The following FAM163B variants were observed in gnomAD, a reference collection of about 807,000 sequenced individuals.
The protein encoded by FAM163B is family with sequence similarity 163 member B.
FAM163B carries 4 observed loss-of-function variants against 7.6 expected under a neutral mutation model. That is an observed-to-expected ratio of 0.52 (90% CI 0.26 to 1.20). FAM163B has a LOEUF of 1.20. Among genes scored for constraint, FAM163B ranks in the 50% most tolerant of loss-of-function variants. The pLI is 0.14. For synonymous variants in FAM163B, 120 were observed against 111.6 expected, an observed-to-expected ratio of 1.07 and a Z score of -0.47; for missense variants, 250 against 243.0, an observed-to-expected ratio of 1.03 and a Z score of -0.19.
At chr9:133,598,591 G>C (rs1272454123) in intron 1 of FAM163B, among the ~76,000 whole-genome samples, 2 of 151,334 alleles carry the variant, frequency 1.3e-5, no homozygotes, top group Non-Finnish European at 2.9e-5. Context: ...GGCACCCGCT[G>C]CTGGTGGGAG....
In FAM163B at chr9:133,581,538, T is replaced by C. The variant is rs898376842; in HGVS notation, c.-23-1292A>G. 8.5e-5 allele frequency among the ~76,000 whole-genome samples: 13 copies of C among 152,356 alleles called. 1 individual carries two copies. Among genetic ancestry groups the C allele is most frequent in the Admixed American group, 6.5e-4 (10 of 15,308 alleles). Reference sequence around the variant, plus strand: ...ACGTTTAGCTTTCTCCTGTCGTCTCTGAAATGCCTTTTTTACGGTTGGTTA... The same window carrying C: ...ACGTTTAGCTTTCTCCTGTCGTCTCCGAAATGCCTTTTTTACGGTTGGTTA... On this transcript the variant is annotated intron_variant, in intron 1 of 2. Transcript: ENST00000673969.
chr9:133,607,184 A>AG (rs1417500126), intron 1 of FAM163B, among the ~76,000 whole-genome samples: 1 of 152,164 alleles, frequency 6.6e-6, no homozygotes, highest in African/African-American at 2.4e-5. Flanking sequence ...AATGGCTCAG[A>AG]GGGGGGACAT....
rs10046828 is a variant in FAM163B at position 133,593,959 on chromosome 9, C to A, written c.-23-13713G>T. Among the ~76,000 whole-genome samples, 753 of 152,318 alleles carry A rather than the reference C, an allele frequency of 4.9e-3. 11 individuals are homozygous for A. The highest frequency in any genetic ancestry group is 0.017 in the African/African-American group (716 of 41,570). On this transcript the variant is annotated intron_variant, in intron 1 of 2. Transcript: ENST00000673969. ...CACTCCCCCTCTGCCACCCCCAGAT[C>A]CATGGGGCTGGCTCTCAGTGAGAGG...
intron 1 of FAM163B, among the ~76,000 whole-genome samples, chr9:133,590,052 C>CTTCCT: frequency 3.1e-5 from 1 of 32,692 alleles, no homozygotes; most frequent in African/African-American, 8.7e-5. Context: ...CTTCCCTTCC[C>CTTCCT]TTCCCTTCCC....
chr9:133,590,045 CCCTT>C, intron 1 of FAM163B, among the ~76,000 whole-genome samples: 2 of 40,436 alleles, frequency 4.9e-5, no homozygotes, highest in Non-Finnish European at 6.0e-5. Flanking sequence ...AAGTTCCCTT[CCCTT>C]CCCTTCCCTT....
In FAM163B at chr9:133,579,393, C is replaced by A. The variant is rs1277503108; in HGVS notation, c.130G>T (p.Glu44Ter). The stretch of plus-strand genomic sequence containing the variant: ...TGAACGGCGAAGTCTGGTTCCTCCT[C>A]GTCCTCCTCCGACTCGTCCTTCTTG... ...CCKKDESEED[E>*]EEPDFAVHSH... The change falls in exon 3 of 3, where the codon GAG becomes TAG. Residue 44 changes from glutamate to a stop codon, truncating the protein, a stop_gained. Coordinates refer to ENST00000673969, the MANE Select transcript of FAM163B (RefSeq NM_001080515.3). LOFTEE classifies it high-confidence loss of function. 4.4e-6 allele frequency: 7 copies of A among 1,608,934 alleles called. No individual in the cohort carries two copies. The highest frequency in any genetic ancestry group is 5.9e-6 in the Non-Finnish European group (7 of 1,178,342).
chr9:133,596,260 A>C (rs905978093), intron 1 of FAM163B, among the ~76,000 whole-genome samples: 2 of 151,946 alleles, frequency 1.3e-5, no homozygotes, highest in African/African-American at 4.8e-5. Context: ...GGAGCCCCCG[A>C]GTTTGCCATG....
chr9:133,581,850 G>A (rs929856658), intron 1 of FAM163B, among the ~76,000 whole-genome samples: 3 of 152,142 alleles, frequency 2.0e-5, no homozygotes, highest in Admixed American at 6.5e-5. Context: ...AGCTGCTCTC[G>A]GCCAGTTCTT....
At chr9:133,597,763 T>A (rs1284578565) in intron 1 of FAM163B, among the ~76,000 whole-genome samples, 1 of 151,862 alleles carries the variant, frequency 6.6e-6, no homozygotes, top group Non-Finnish European at 1.5e-5. Flanking sequence ...CTACAAGGGC[T>A]CGAAGGTAAG....
chr9:133,587,379 C>T (rs867392732), intron 1 of FAM163B, among the ~76,000 whole-genome samples: 21 of 152,164 alleles, frequency 1.4e-4, no homozygotes, highest in Admixed American at 5.9e-4. Context: ...GCAGGAAGCA[C>T]GAAGCTGAAA....
chr9:133,587,460 T>C (rs1831457919), intron 1 of FAM163B, among the ~76,000 whole-genome samples: 1 of 152,122 alleles, frequency 6.6e-6, no homozygotes, highest in Non-Finnish European at 1.5e-5. Flanking sequence ...TCAGGAACCG[T>C]AGGGCAGGAC....
At chr9:133,580,057 CG>C (rs1831332278) in intron 2 of FAM163B, 73 bp downstream of exon 2, 1 of 1,296,558 alleles carries the variant, frequency 7.7e-7, no homozygotes. Context: ...GACCTTCAGG[CG>C]GGGCTCCCTC....
rs1831790887 is a variant in FAM163B, at chr9:133,606,467, C to T, written c.-24+2610G>A. ...AAGCCCCCCAGCCCCACCCTGGCCTCTGTAGGGTGGTCCCCAGGACCACAT... is the reference window on the plus strand; with the variant it reads ...AAGCCCCCCAGCCCCACCCTGGCCTTTGTAGGGTGGTCCCCAGGACCACAT... On this transcript the variant is annotated intron_variant, in intron 1 of 2. Transcript: ENST00000673969. This position sits in a 1 kb window ranked among gnomAD's most constrained non-coding sequence, Gnocchi z 4.0. Among the ~76,000 whole-genome samples the T allele has an allele frequency of 6.6e-6, 1 of 152,242 alleles. No individual in the cohort carries two copies. The highest frequency in any genetic ancestry group is 1.5e-5 in the Non-Finnish European group (1 of 68,034).
rs766274994 is a variant in FAM163B at position 133,600,921 on chromosome 9, G to A, written c.-24+8156C>T. ...TCAACTCTCCCTTGGTAGGGGGTAG[G>A]GGGGGAGCTTCATTGCCTCGAGTTC... On this transcript the variant is annotated intron_variant, in intron 1 of 2. Coordinates refer to ENST00000673969, the MANE Select transcript of FAM163B (RefSeq NM_001080515.3). This position sits in a 1 kb window ranked among gnomAD's most constrained non-coding sequence, Gnocchi z 4.9. Among the ~76,000 whole-genome samples the A allele has an allele frequency of 6.6e-5, 10 of 152,234 alleles. No individual in the cohort carries two copies. Among genetic ancestry groups the A allele is most frequent in the Admixed American group, 2.6e-4 (4 of 15,298 alleles).
chr9:133,578,960 C>G lies in FAM163B; in HGVS notation c.*62G>C. ...TGGGGCCTGGGGCCAGGTGGGTGTG[C>G]CAAAGGAATCCCCCCATTGTCTCAG... On this transcript the variant is annotated 3_prime_UTR_variant, in exon 3 of 3. Transcript: ENST00000673969. 1 of 1,443,780 alleles carries G rather than the reference C, an allele frequency of 6.9e-7. No individual in the cohort carries two copies. Among genetic ancestry groups the G allele is most frequent in the South Asian group, 1.5e-5 (1 of 68,158 alleles). 89.4% of individuals were successfully genotyped at this position (1,443,780 alleles called of 1,614,324 possible).
intron 1 of FAM163B, among the ~76,000 whole-genome samples, chr9:133,596,817 G>A (rs1050050988): frequency 2.0e-5 from 3 of 152,212 alleles, no homozygotes; most frequent in African/African-American, 7.2e-5. Context: ...AAAACTACCT[G>A]AGGCCAGAGA....
chr9:133,590,213 CCTCTCTCCTTCCTTCCTT>C (rs1187154388), intron 1 of FAM163B, among the ~76,000 whole-genome samples: 179 of 142,006 alleles, frequency 1.3e-3, no homozygotes, highest in African/African-American at 3.6e-3. Context: ...CCTTTCCTTC[CCTCTCTCCTTCCTTCCTT>C]CTCTCTCCTT....
chr9:133,591,858 C>A (rs552743477), intron 1 of FAM163B, among the ~76,000 whole-genome samples: 1 of 152,110 alleles, frequency 6.6e-6, no homozygotes, highest in African/African-American at 2.4e-5. Context: ...GGACGGGGAC[C>A]GCTCTGGGGA....
At chr9:133,590,303 A>G (rs1831532748) in intron 1 of FAM163B, among the ~76,000 whole-genome samples, 2 of 133,386 alleles carry the variant, frequency 1.5e-5, no homozygotes, top group Non-Finnish European at 3.2e-5. Flanking sequence ...CCTCGAACTG[A>G]GCCCAGCTCC....
Sources: allele counts gnomAD v4.1 joint callset (sites outside exome capture counted in the v4.1 genomes callset), GRCh38; gene constraint gnomAD v4.1.1; non-coding constraint Gnocchi (gnomAD v3.1); transcripts MANE v1.5; gene names NCBI Gene and HGNC (gene_info 2026-07-23, HGNC 2026-07-21).